The following ROBO2 variants were observed in gnomAD, a reference collection of about 807,000 sequenced individuals.
The protein encoded by ROBO2 is roundabout homolog 2.
In ROBO2, 53 loss-of-function variants were observed where a neutral mutation model predicts 160.8. The ratio of observed to expected loss-of-function variants is 0.33; its 90% confidence interval spans 0.26 to 0.41. The LOEUF is 0.41. Among genes scored for constraint, ROBO2 ranks in the 10% least tolerant of loss-of-function variants. The pLI, the probability that ROBO2 is intolerant of heterozygous loss-of-function variation, is 1.00. For synonymous variants in ROBO2, 664 were observed against 611.7 expected, an observed-to-expected ratio of 1.09 and a Z score of -1.26; for missense variants, 1,577 against 1,722.4, an observed-to-expected ratio of 0.92 and a Z score of 1.49.
chr3:76,700,318 C>T (rs906954883), intron 2 of ROBO2, among the ~76,000 whole-genome samples: 4 of 152,058 alleles, frequency 2.6e-5, no homozygotes, highest in African/African-American at 9.7e-5. Flanking sequence ...AATATCCTTC[C>T]CAAAGAGCGA....
At chr3:76,036,401 T>C (rs2107738349) in intron 2 of ROBO2, among the ~76,000 whole-genome samples, 2 of 150,116 alleles carry the variant, frequency 1.3e-5, no homozygotes, top group South Asian at 2.1e-4. Flanking sequence ...CTGCCTGCCT[T>C]GGCCTCCCAA....
chr3:76,454,648 G>C (rs979950719), intron 2 of ROBO2, among the ~76,000 whole-genome samples: 3 of 152,064 alleles, frequency 2.0e-5, no homozygotes, highest in Non-Finnish European at 4.4e-5. Flanking sequence ...CTGTTATTCT[G>C]TGTGAGGAAT....
intron 2 of ROBO2, among the ~76,000 whole-genome samples, chr3:76,488,776 G>A (rs1398301855): frequency 3.3e-5 from 5 of 152,058 alleles, no homozygotes; most frequent in Admixed American, 6.6e-5. Flanking sequence ...ACAAAAAAGG[G>A]TGTGTCAGGA....
intron 2 of ROBO2, among the ~76,000 whole-genome samples, chr3:76,060,052 G>T (rs1338123444): frequency 6.6e-6 from 1 of 151,986 alleles, no homozygotes; most frequent in Non-Finnish European, 1.5e-5. Context: ...ATATTTTTAA[G>T]ACATTATCAT....
chr3:77,036,720 G>GA (rs886226186), upstream of ROBO2, among the ~76,000 whole-genome samples: 14 of 151,820 alleles, frequency 9.2e-5, no homozygotes, highest in African/African-American at 3.1e-4. Context: ...GTTTGGAAAA[G>GA]AAAAAAACAA....
At chr3:76,410,047 G>T (rs774145213) in intron 2 of ROBO2, among the ~76,000 whole-genome samples, 4 of 151,932 alleles carry the variant, frequency 2.6e-5, no homozygotes, top group African/African-American at 9.7e-5. Flanking sequence ...TTTTGTTTTC[G>T]CATGCATGTT....
At chr3:76,082,699 C>A (rs1197078848) in intron 2 of ROBO2, among the ~76,000 whole-genome samples, 1 of 152,030 alleles carries the variant, frequency 6.6e-6, no homozygotes, top group East Asian at 1.9e-4. Context: ...ACTCTCTTTC[C>A]TTATTTCCTA....
intron 2 of ROBO2, among the ~76,000 whole-genome samples, chr3:76,874,909 G>A (rs546531364): frequency 6.6e-6 from 1 of 152,288 alleles, no homozygotes; most frequent in African/African-American, 2.4e-5. Context: ...TATGATATAT[G>A]TAACGGAATT....
At position 76,891,496 on chromosome 3, in the gene ROBO2, G is replaced by T. The variant is rs2148818078; in HGVS notation, c.110-206518G>T. 1.3e-5 allele frequency among the ~76,000 whole-genome samples: 2 copies of T among 152,218 alleles called. 1 individual carries two copies. The highest frequency in any genetic ancestry group is 4.8e-5 in the African/African-American group (2 of 41,540). On this transcript the variant is annotated intron_variant, in intron 2 of 26. Transcript: ENST00000487694. ...TGGTTTTTCCATCTCTTCTTGAGTTGATGTGGACATTGAAATTCGAGTATA... is the reference window on the plus strand; with the variant it reads ...TGGTTTTTCCATCTCTTCTTGAGTTTATGTGGACATTGAAATTCGAGTATA...
chr3:76,600,377 G>A, intron 2 of ROBO2, among the ~76,000 whole-genome samples: 1 of 152,122 alleles, frequency 6.6e-6, no homozygotes, highest in East Asian at 1.9e-4. Flanking sequence ...CCAAAATATT[G>A]TAAGTCTCTG....
exon 26 of ROBO2, chr3:77,646,126 A>C: frequency 8.5e-7 from 1 of 1,178,530 alleles, no homozygotes; most frequent in Non-Finnish European, 1.2e-6. Flanking sequence ...TGATGACTCT[A>C]AACAGTGCAA....
chr3:77,546,248 A>G, intron 6 of ROBO2, 90 bp from the exon 8 acceptor site: 1 of 1,383,362 alleles, frequency 7.2e-7, no homozygotes, highest in Admixed American at 1.7e-5. Flanking sequence ...CTGGCACTGA[A>G]CAGTCAACAT....
intron 2 of ROBO2, among the ~76,000 whole-genome samples, chr3:77,394,155 G>A (rs1408158587): frequency 6.6e-6 from 1 of 152,102 alleles, no homozygotes; most frequent in Non-Finnish European, 1.5e-5. Context: ...TTTAAGAAGG[G>A]CCAGTGGAAG....
chr3:75,973,689 G>C (rs892991977), intron 2 of ROBO2, among the ~76,000 whole-genome samples: 5 of 151,646 alleles, frequency 3.3e-5, no homozygotes, highest in Non-Finnish European at 7.4e-5. Context: ...TTTATAGAAA[G>C]AATGTTAAGT....
At chr3:76,100,296 A>G (rs2069632171) in intron 2 of ROBO2, among the ~76,000 whole-genome samples, 1 of 152,162 alleles carries the variant, frequency 6.6e-6, no homozygotes, top group South Asian at 2.1e-4. Context: ...TAAAAACATT[A>G]TCTTTTGCTG....
chr3:77,143,177 T>G (rs1292298862), intron 2 of ROBO2, among the ~76,000 whole-genome samples: 1 of 94,602 alleles, frequency 1.1e-5, no homozygotes, highest in Non-Finnish European at 2.0e-5. Flanking sequence ...ACAGCAGCTT[T>G]TTTTTTTTTT....
At chr3:76,453,388 T>C (rs2077576776) in intron 2 of ROBO2, among the ~76,000 whole-genome samples, 1 of 152,252 alleles carries the variant, frequency 6.6e-6, no homozygotes, top group Non-Finnish European at 1.5e-5. Context: ...TTCAACTTCC[T>C]ACATATGGCT....
intron 1 of ROBO2, among the ~76,000 whole-genome samples, chr3:77,078,908 A>G (rs901817304): frequency 3.9e-5 from 6 of 152,120 alleles, no homozygotes; most frequent in Non-Finnish European, 7.4e-5. Context: ...TCTTGCCAGA[A>G]TTGTAGAAAT....
chr3:77,642,378 A>C (rs2095361780), intron 24 of ROBO2, among the ~76,000 whole-genome samples: 1 of 152,166 alleles, frequency 6.6e-6, no homozygotes, highest in South Asian at 2.1e-4. Context: ...GAATATAAAC[A>C]ATGAACTGCC....
Sources: gnomAD v4.1 joint callset for allele counts (sites outside exome capture counted in the v4.1 genomes callset) on GRCh38, gnomAD v4.1.1 for gene constraint, MANE v1.5 for transcripts, NCBI Gene and HGNC (gene_info 2026-07-23, HGNC 2026-07-21) for gene names.